PCDHGB6: variants seen among roughly 807,000 people sequenced by gnomAD.
The protein encoded by PCDHGB6 is protocadherin gamma-B6.
PCDHGB6 carries 51 observed loss-of-function variants against 59.1 expected under a neutral mutation model. The ratio of observed to expected loss-of-function variants is 0.86; its 90% confidence interval spans 0.69 to 1.09. The LOEUF (loss-of-function observed/expected upper bound fraction) is 1.09. Ranked by LOEUF, PCDHGB6 falls within the 50% of genes least tolerant of loss-of-function variation. The pLI, the probability that PCDHGB6 is intolerant of heterozygous loss-of-function variation, is 0.00. For synonymous variants in PCDHGB6, 466 were observed against 495.1 expected (o/e 0.94, Z 0.78); for missense variants, 1,148 against 1,205.1 (o/e 0.95, Z 0.70).
chr5:141,510,814 C>CA, intron 3 of PCDHGB6, 133 bp from the exon 4 acceptor site: 1 of 1,544,688 alleles, frequency 6.5e-7, no homozygotes, highest in Admixed American at 1.8e-5. Flanking sequence ...TTGGTGACCC[C>CA]TATATTCCCA....
intron 1 of PCDHGB6, among the ~76,000 whole-genome samples, chr5:141,433,395 CTA>C (rs1426636882): frequency 1.1e-4 from 17 of 150,770 alleles, no homozygotes; most frequent in African/African-American, 4.1e-4. Flanking sequence ...ATCTATCTAT[CTA>C]TCTATCTATT....
chr5:141,433,843 A>C (rs2097657951), intron 1 of PCDHGB6, among the ~76,000 whole-genome samples: 1 of 151,956 alleles, frequency 6.6e-6, no homozygotes, highest in African/African-American at 2.4e-5. Context: ...ATCTCAAAAA[A>C]AAAAAAAAAA....
Position 141,432,149 on chromosome 5 carries a change from A to G in PCDHGB6, c.2418+21529A>G. The G allele has an allele frequency of 6.2e-7, 1 of 1,613,964 alleles. No individual in the cohort carries two copies. The highest frequency in any genetic ancestry group is 8.5e-7 in the Non-Finnish European group (1 of 1,179,986). On this transcript the variant is annotated intron_variant, in intron 1 of 3. Transcript: ENST00000520790. This position sits in a 1 kb window ranked among gnomAD's most constrained non-coding sequence, Gnocchi z 6.0. Reference sequence around the variant, plus strand: ...CTCCTATTCCGCTTATATCCCAGAGAACAATCCCAGAGGAGTTTCCCTCGT... The same window carrying G: ...CTCCTATTCCGCTTATATCCCAGAGGACAATCCCAGAGGAGTTTCCCTCGT...
At position 141,490,328 on chromosome 5, in the gene PCDHGB6, C is replaced by T; in HGVS notation, c.2419-4479C>T. 2 of 1,614,228 alleles carry T rather than the reference C, an allele frequency of 1.2e-6. No homozygotes were observed. Among genetic ancestry groups the T allele is most frequent in the Non-Finnish European group, 1.7e-6 (2 of 1,180,048 alleles). Reference sequence around the variant, plus strand: ...TTGGCCAACCCTGTCCTAGAGAGCACACCAGTGGGCACAGTAGTGGGGTTG... The same window carrying T: ...TTGGCCAACCCTGTCCTAGAGAGCATACCAGTGGGCACAGTAGTGGGGTTG... On this transcript the variant is annotated intron_variant, in intron 1 of 3. Coordinates refer to ENST00000520790, the MANE Select transcript of PCDHGB6 (RefSeq NM_018926.3). The surrounding 1 kb of genome is among the most constrained non-coding windows in gnomAD (Gnocchi z 5.4).
In PCDHGB6 at chr5:141,509,418, A is replaced by G. The variant is rs767758113; in HGVS notation, c.2567-1529A>G. Among the ~76,000 whole-genome samples the G allele has an allele frequency of 2.6e-5, 4 of 152,188 alleles. No individual in the cohort carries two copies. The South Asian group carries it at 6.2e-4, about 24-fold the overall frequency. ...TCAGGGCCTCCAGCAGCGAGCCCCA[A>G]TGAGTCAAACTCTTGTTTCCTCCTC... On this transcript the variant is annotated intron_variant, in intron 3 of 3. Transcript: ENST00000520790.
chr5:141,418,247 G>A, intron 1 of PCDHGB6: 1 of 1,614,032 alleles, frequency 6.2e-7, no homozygotes, highest in Non-Finnish European at 8.5e-7. Context: ...TAATGACCAC[G>A]CCCCTCAATT....
intron 1 of PCDHGB6, chr5:141,415,715 T>A: frequency 7.0e-7 from 1 of 1,428,190 alleles, no homozygotes; most frequent in Non-Finnish European, 9.3e-7. Flanking sequence ...AAAACACTGA[T>A]GAGTAGAATT....
At chr5:141,419,422 C>T (rs374564347) in intron 1 of PCDHGB6, 9 of 1,613,378 alleles carry the variant, frequency 5.6e-6, no homozygotes, top group Non-Finnish European at 7.6e-6. Flanking sequence ...GCGCCTTCGA[C>T]CACGAGCAGC....
At chr5:141,418,836 C>T (rs2096292464) in intron 1 of PCDHGB6, 1 of 1,613,984 alleles carries the variant, frequency 6.2e-7, no homozygotes, top group Non-Finnish European at 8.5e-7. Flanking sequence ...GACCGAGGAT[C>T]TCTCTCAACA....
intron 1 of PCDHGB6, chr5:141,413,173 A>G: frequency 6.2e-7 from 1 of 1,600,856 alleles, no homozygotes; most frequent in African/African-American, 1.3e-5. Context: ...TAACCAGACT[A>G]CAATGGCCGC....
At chr5:141,415,863 GTGT>G in intron 1 of PCDHGB6, 1 of 1,107,154 alleles carries the variant, frequency 9.0e-7, no homozygotes, top group Non-Finnish European at 1.2e-6. Flanking sequence ...GTAGTTTATA[GTGT>G]TGTTGAGTAC....
rs781580216 is a variant in PCDHGB6 at position 141,430,931 on chromosome 5, G to A, written c.2418+20311G>A. The stretch of plus-strand genomic sequence containing the variant: ...CAGGGACCTGGGGCTGGAGCCCCGG[G>A]AGCTCGCGGAGCGCGGAGTCCGCAT... On this transcript the variant is annotated intron_variant, in intron 1 of 3. Coordinates refer to ENST00000520790, the MANE Select transcript of PCDHGB6 (RefSeq NM_018926.3). The A allele has an allele frequency of 1.5e-5, 24 of 1,607,530 alleles. No individual in the cohort carries two copies. In the East Asian group the frequency reaches 4.9e-4, roughly 33 times the overall value.
At position 141,408,464 on chromosome 5, in the gene PCDHGB6, A is replaced by G. The variant is rs764186219; in HGVS notation, c.262A>G (p.Asn88Asp). ...GGAGAGCGGGGACTTACTTGTGAAG[A>G]ACCGAATAGACCGTGAGCAAATATG... Reference protein sequence around the residue: ...DAESGDLLVKNRIDREQICKE... With the variant: ...DAESGDLLVKDRIDREQICKE... The change falls in exon 1 of 4, where the codon AAC becomes GAC. Residue 88 changes from asparagine (N) to aspartate (D), a missense_variant. By Grantham distance (23) the Asn-to-Asp change is conservative. Coordinates refer to ENST00000520790, the MANE Select transcript of PCDHGB6 (RefSeq NM_018926.3). The G allele has an allele frequency of 3.8e-5, 61 of 1,613,880 alleles. No homozygotes were observed. Among genetic ancestry groups the G allele is most frequent in the South Asian group, 1.4e-4 (13 of 91,024 alleles).
At chr5:141,460,034 C>T (rs1463167810) in intron 1 of PCDHGB6, among the ~76,000 whole-genome samples, 1 of 152,116 alleles carries the variant, frequency 6.6e-6, no homozygotes, top group African/African-American at 2.4e-5. Context: ...GCCGAGACTG[C>T]ACCACTGCAC....
intron 1 of PCDHGB6, chr5:141,415,641 TAAA>T: frequency 7.8e-7 from 1 of 1,280,840 alleles, no homozygotes; most frequent in African/African-American, 1.5e-5. Context: ...TTACTTTTGT[TAAA>T]AAAAAAAAGA....
At chr5:141,418,530 G>C in intron 1 of PCDHGB6, 1 of 1,613,952 alleles carries the variant, frequency 6.2e-7, no homozygotes, top group Non-Finnish European at 8.5e-7. Flanking sequence ...CCCCGAAGCG[G>C]TACTGCTCAG....
chr5:141,441,772 TG>T, intron 1 of PCDHGB6: 1 of 388,268 alleles, frequency 2.6e-6, no homozygotes, highest in South Asian at 2.0e-5. Flanking sequence ...CGCGTGTTGG[TG>T]GACGACCTGA....
chr5:141,413,690 A>T lies in PCDHGB6; in HGVS notation c.2418+3070A>T, dbSNP rs553462819. On this transcript the variant is annotated intron_variant, in intron 1 of 3. Transcript: ENST00000520790. ...CCGGATGTGGGCGTGAACTCCCTGC[A>T]GAGCTATCAGCTCAGCCCCAATAAG... 9.9e-6 allele frequency: 16 copies of T among 1,613,702 alleles called. No individual in the cohort carries two copies. The East Asian group carries it at 2.9e-4, about 29-fold the overall frequency.
At chr5:141,428,049 G>A (rs770637382) in intron 1 of PCDHGB6, 16 of 1,608,954 alleles carry the variant, frequency 9.9e-6, no homozygotes, top group Non-Finnish European at 1.4e-5. Flanking sequence ...GGTGACCAAG[G>A]TGGTGGCGGT....
Sources: allele counts gnomAD v4.1 joint callset (sites outside exome capture counted in the v4.1 genomes callset), GRCh38; gene constraint gnomAD v4.1.1; non-coding constraint Gnocchi (gnomAD v3.1); transcripts MANE v1.5; gene names NCBI Gene and HGNC (gene_info 2026-07-23, HGNC 2026-07-21).